The following RBM4B variants were observed in gnomAD, a reference collection of about 807,000 sequenced individuals.
RBM4B encodes RNA binding motif protein 4B.
In RBM4B, 13 loss-of-function variants were observed where a neutral mutation model predicts 28.5. The ratio of observed to expected loss-of-function variants is 0.46; its 90% CI spans 0.30 to 0.72. The LOEUF (loss-of-function observed/expected upper bound fraction) is 0.72. Among genes scored for constraint, RBM4B ranks in the 30% least tolerant of loss-of-function variants. The pLI, the probability that RBM4B is intolerant of heterozygous loss-of-function variation, is 0.09. For synonymous variants in RBM4B, 167 were observed against 179.1 expected (o/e 0.93, Z 0.54); for missense variants, 387 against 477.6 (o/e 0.81, Z 1.77).
rs1035418422 is a variant in RBM4B at position 66,665,322 on chromosome 11, G to C, written c.*266C>G. 7.5e-6 allele frequency: 4 copies of C among 530,540 alleles called. No homozygotes were observed. Among genetic ancestry groups the C allele is most frequent in the African/African-American group, 1.9e-5 (1 of 51,880 alleles). 32.9% of individuals were successfully genotyped at this position (530,540 alleles called of 1,614,324 possible). On this transcript the variant is annotated 3_prime_UTR_variant, in exon 4 of 4. Coordinates refer to ENST00000310046, the MANE Select transcript of RBM4B (RefSeq NM_031492.4). ...GAGGGGTTCCACTGCACAGGAAAAA[G>C]GGGATGCCAGCATAATCCTTACCTA...
intron 2 of RBM4B, chr11:66,675,707 T>C (rs1939613791): frequency 6.6e-6 from 1 of 152,246 alleles, no homozygotes; most frequent in African/African-American, 2.4e-5. Flanking sequence ...AAAACACTTG[T>C]AGAACAGTGC....
chr11:66,666,152 CT>C, intron 3 of RBM4B: 1 of 753,984 alleles, frequency 1.3e-6, no homozygotes. Flanking sequence ...AGTAGTTCCC[CT>C]AATTGACCAA....
rs760493906 is a variant in RBM4B at position 66,668,661 on chromosome 11, T to C, written c.1043A>G (p.Glu348Gly). The change falls in exon 3 of 4, where the codon GAG becomes GGG. Residue 348 changes from glutamate to glycine, a missense_variant. Glu to Gly is a moderately conservative substitution (Grantham distance 98, BLOSUM62 -2). This residue lies in a region of RBM4B where 226 missense variants were observed against 220.6 expected (regional missense o/e 1.02). Coordinates refer to ENST00000310046, the MANE Select transcript of RBM4B (RefSeq NM_031492.4). ...GTACCGGGCTCGGTCCACATACTGCTCCCGTTCATACCGGGCCATGTCATA... is the reference window on the plus strand; with the variant it reads ...GTACCGGGCTCGGTCCACATACTGCCCCCGTTCATACCGGGCCATGTCATA... ...SLYDMARYER[E>G]QYVDRARYSA... The C allele has an allele frequency of 6.2e-7, 1 of 1,613,424 alleles. No homozygotes were observed. Among genetic ancestry groups the C allele is most frequent in the Non-Finnish European group, 8.5e-7 (1 of 1,179,412 alleles).
rs1292084569 is a variant in RBM4B at position 66,668,689 on chromosome 11, G to A, written c.1015C>T (p.Leu339=). Residue 339 remains leucine (L), a synonymous_variant, in exon 3 of 4, where the codon CTG becomes TTG. Coordinates refer to ENST00000310046, the MANE Select transcript of RBM4B (RefSeq NM_031492.4). ...CGTTCATACCGGGCCATGTCATACAGAGAATTCCGTGTAGCTGCGGAAGCC... is the reference window on the plus strand; with the variant it reads ...CGTTCATACCGGGCCATGTCATACAAAGAATTCCGTGTAGCTGCGGAAGCC... ...SQASAATRNS[L]YDMARYEREQ... 4 of 1,614,186 alleles carry A rather than the reference G, an allele frequency of 2.5e-6. No homozygotes were observed. Among genetic ancestry groups the A allele is most frequent in the Non-Finnish European group, 3.4e-6 (4 of 1,180,026 alleles).
chr11:66,674,558 T>C (rs1401540856), intron 2 of RBM4B, among the ~76,000 whole-genome samples: 24 of 150,434 alleles, frequency 1.6e-4, no homozygotes, highest in Admixed American at 6.7e-5. Flanking sequence ...TTGTATTAAA[T>C]ATATATATGG....
Position 66,668,657 on chromosome 11 carries a change from C to A in RBM4B, c.1047G>T (p.Gln349His). The A allele has an allele frequency of 6.2e-7, 1 of 1,612,238 alleles. No individual in the cohort carries two copies. The highest frequency in any genetic ancestry group is 8.5e-7 in the Non-Finnish European group (1 of 1,178,326). The change falls in exon 3 of 4, where the codon CAG becomes CAT. Residue 349 changes from glutamine (Q) to histidine (H), a missense_variant. By Grantham distance (24) the Gln-to-His change is conservative. Around this residue, in one of 2 missense-constraint regions of RBM4B, gnomAD observed 226 missense variants for 220.6 expected, o/e 1.02. Coordinates refer to ENST00000310046, the MANE Select transcript of RBM4B (RefSeq NM_031492.4). ...LYDMARYERE[Q>H]YVDRARYSAF is the part of the protein sequence containing the mutation. Reference sequence around the variant, plus strand: ...CTGAGTACCGGGCTCGGTCCACATACTGCTCCCGTTCATACCGGGCCATGT... The same window carrying A: ...CTGAGTACCGGGCTCGGTCCACATAATGCTCCCGTTCATACCGGGCCATGT...
At chr11:66,676,457 G>A (rs371942499) in intron 2 of RBM4B, 30 of 624,080 alleles carry the variant, frequency 4.8e-5, no homozygotes, top group African/African-American at 3.1e-4. Context: ...GTGATTCTAT[G>A]CAGTCGGTGA....
chr11:66,673,707 C>G (rs148962022), intron 2 of RBM4B, among the ~76,000 whole-genome samples: 8 of 152,288 alleles, frequency 5.3e-5, no homozygotes, highest in African/African-American at 1.7e-4. Flanking sequence ...GATCCACCCC[C>G]GCCTCGGCCT....
chr11:66,670,642 C>A (rs1344251377), intron 2 of RBM4B, among the ~76,000 whole-genome samples: 1 of 152,096 alleles, frequency 6.6e-6, no homozygotes, highest in Non-Finnish European at 1.5e-5. Flanking sequence ...CCAGGTTGCA[C>A]AAGACTCTCC....
intron 2 of RBM4B, among the ~76,000 whole-genome samples, chr11:66,674,068 C>G (rs375749413): frequency 6.6e-6 from 1 of 151,910 alleles, no homozygotes; most frequent in Non-Finnish European, 1.5e-5. Context: ...TTTTAAAAAT[C>G]TTATGGATCC....
chr11:66,670,835 G>A, intron 2 of RBM4B: 3 of 665,718 alleles, frequency 4.5e-6, no homozygotes, highest in Non-Finnish European at 8.1e-6. Flanking sequence ...GGAAAACGCA[G>A]TCAGTACAGA....
intron 2 of RBM4B, among the ~76,000 whole-genome samples, chr11:66,669,941 A>G (rs913776913): frequency 7.9e-5 from 12 of 152,228 alleles, no homozygotes; most frequent in African/African-American, 2.4e-4. Flanking sequence ...TAATGATTCA[A>G]ATTCTGCCAA....
chr11:66,672,406 TAAA>T (rs539171629), intron 2 of RBM4B, among the ~76,000 whole-genome samples: 701 of 58,990 alleles, frequency 0.012, 5 homozygotes, highest in African/African-American at 0.051. Context: ...CAAGACTGTC[TAAA>T]AAAAAAAAAA....
chr11:66,677,115 A>G, intron 1 of RBM4B, 24 bp from the exon 2 acceptor site: 1 of 1,602,694 alleles, frequency 6.2e-7, no homozygotes, highest in Non-Finnish European at 8.5e-7. Flanking sequence ...ACAAGACTTC[A>G]AAAGTCAGGG....
chr11:66,669,715 G>C (rs1271686452), intron 2 of RBM4B, among the ~76,000 whole-genome samples: 34 of 152,204 alleles, frequency 2.2e-4, no homozygotes, highest in Admixed American at 2.2e-3. Flanking sequence ...CAAAGTGTTG[G>C]GATTACAGGC....
In RBM4B at chr11:66,668,962, T is replaced by C. The variant is rs1300519443; in HGVS notation, c.742A>G (p.Met248Val). 2 of 1,614,182 alleles carry C rather than the reference T, an allele frequency of 1.2e-6. No homozygotes were observed. The highest frequency in any genetic ancestry group is 2.7e-5 in the African/African-American group (2 of 75,044). The change falls in exon 3 of 4, where the codon ATG (methionine) becomes GTG (valine). Residue 248 changes from methionine (M) to valine (V), a missense_variant. Around this residue, in one of 2 missense-constraint regions of RBM4B, gnomAD observed 226 missense variants for 220.6 expected, o/e 1.02. Transcript: ENST00000310046. ...CTTTGGACTTGAGGCAGATGGGACA[T>C]GGTCTGCTCTGCGTAGTTGTATGCA... ...ASAYNYAEQT[M>V]SHLPQVQSTT... is the part of the protein sequence containing the mutation.
intron 3 of RBM4B, chr11:66,667,831 C>G (rs1463991402): frequency 6.6e-6 from 1 of 152,090 alleles, no homozygotes; most frequent in Non-Finnish European, 1.5e-5. Flanking sequence ...CCTCAGCATT[C>G]TGAGTAGCTG....
At chr11:66,675,158 A>G (rs1236434421) in intron 2 of RBM4B, among the ~76,000 whole-genome samples, 4 of 152,232 alleles carry the variant, frequency 2.6e-5, no homozygotes, top group Non-Finnish European at 5.9e-5. Context: ...ACTTTCAATA[A>G]TTTTCTAACC....
intron 3 of RBM4B, chr11:66,668,401 G>A (rs1377007139): frequency 4.0e-6 from 2 of 505,250 alleles, no homozygotes; most frequent in Non-Finnish European, 3.5e-6. Flanking sequence ...TGTTCTCTCA[G>A]AAGGAACAAG....
Sources: allele counts gnomAD v4.1 joint callset (sites outside exome capture counted in the v4.1 genomes callset), GRCh38; gene constraint gnomAD v4.1.1; regional missense constraint gnomAD v4.1.1; transcripts MANE v1.5; gene names NCBI Gene and HGNC (gene_info 2026-07-23, HGNC 2026-07-21).